The following CAMTA1 variants were observed in gnomAD, a reference collection of about 807,000 sequenced individuals.
CAMTA1 encodes calmodulin binding transcription activator 1, also known as calmodulin-binding transcription activator 1.
Under a neutral mutation model 170.9 loss-of-function variants are expected in CAMTA1, and 27 were observed. The observed-to-expected ratio is 0.16, with a 90% CI of 0.12 to 0.22. The LOEUF (loss-of-function observed/expected upper bound fraction) is 0.22, where lower values mean the gene tolerates loss of function less well. Among genes scored for constraint, CAMTA1 ranks in the 10% least tolerant of loss-of-function variants. CAMTA1 has a pLI of 1.00. For missense variants in CAMTA1, 1,619 were observed against 2,217.2 expected, an observed-to-expected ratio of 0.73 and a Z score of 5.42; for synonymous variants, 833 against 891.5, an observed-to-expected ratio of 0.93 and a Z score of 1.17.
intron 7 of CAMTA1, among the ~76,000 whole-genome samples, chr1:7,643,297 A>G (rs553702257): frequency 3.9e-5 from 6 of 152,322 alleles, no homozygotes; most frequent in Admixed American, 6.5e-5. Context: ...GGCCCCATCC[A>G]TATGGCCGGG....
chr1:7,232,279 G>GT (rs1662973945), intron 4 of CAMTA1, among the ~76,000 whole-genome samples: 1 of 152,126 alleles, frequency 6.6e-6, no homozygotes, highest in Non-Finnish European at 1.5e-5. Flanking sequence ...GTGTGGCTGT[G>GT]CTGCACACGG....
chr1:7,496,069 G>A (rs544934944), intron 6 of CAMTA1, among the ~76,000 whole-genome samples: 1 of 152,318 alleles, frequency 6.6e-6, no homozygotes, highest in East Asian at 1.9e-4. Flanking sequence ...CAGGGAGCCG[G>A]AGGGGAGCGG....
intron 3 of CAMTA1, among the ~76,000 whole-genome samples, chr1:6,910,383 A>G (rs1679441296): frequency 6.6e-6 from 1 of 152,210 alleles, no homozygotes; most frequent in African/African-American, 2.4e-5. Context: ...GCTTCTGCAT[A>G]GGCACAGAGT....
At chr1:7,450,531 G>T (rs539047270) in intron 5 of CAMTA1, among the ~76,000 whole-genome samples, 1 of 152,336 alleles carries the variant, frequency 6.6e-6, no homozygotes, top group South Asian at 2.1e-4. Context: ...CAGAAGTAGA[G>T]ACAGGTGGGA....
At chr1:7,689,062 G>C (rs2096282688) in intron 11 of CAMTA1, among the ~76,000 whole-genome samples, 2 of 152,106 alleles carry the variant, frequency 1.3e-5, no homozygotes, top group Admixed American at 6.5e-5. Context: ...AGGAGTTCAA[G>C]ACCAGCCTGG....
chr1:6,882,251 C>A (rs955393547), intron 3 of CAMTA1, among the ~76,000 whole-genome samples: 2 of 152,218 alleles, frequency 1.3e-5, no homozygotes, highest in Non-Finnish European at 2.9e-5. Flanking sequence ...CGCTTTTGAG[C>A]TGCAACAGCC....
At chr1:7,501,894 G>A (rs973598472) in intron 6 of CAMTA1, among the ~76,000 whole-genome samples, 1 of 152,182 alleles carries the variant, frequency 6.6e-6, no homozygotes, top group African/African-American at 2.4e-5. Context: ...CACATGTGCA[G>A]TGGGTTCTCC....
intron 5 of CAMTA1, among the ~76,000 whole-genome samples, chr1:7,449,427 G>C (rs1197604100): frequency 6.6e-6 from 1 of 152,160 alleles, no homozygotes; most frequent in East Asian, 1.9e-4. Context: ...CCAGGAGTCA[G>C]AGCCCTCTGA....
At chr1:7,125,335 G>A (rs1336415882) in intron 4 of CAMTA1, among the ~76,000 whole-genome samples, 1 of 152,176 alleles carries the variant, frequency 6.6e-6, no homozygotes, top group Admixed American at 6.5e-5. Context: ...TTCATCAGGT[G>A]TTGGTTGAGC....
In CAMTA1 at chr1:7,144,118, T is replaced by A. The variant is rs1646043204; in HGVS notation, c.302+52747T>A. Among the ~76,000 whole-genome samples the A allele has an allele frequency of 1.3e-5, 2 of 152,218 alleles. No individual in the cohort carries two copies. The highest frequency in any genetic ancestry group is 4.8e-5 in the African/African-American group (2 of 41,450). On this transcript the variant is annotated intron_variant, in intron 4 of 22. Transcript: ENST00000303635. The surrounding 1 kb of genome is among the most constrained non-coding windows in gnomAD (Gnocchi z 4.0). ...TAAACAACAGACATTTATTTTCTTA[T>A]GTTCTGGAGGCTGGAAGTCTGAGAT...
chr1:6,803,722 T>G (rs899071249), intron 1 of CAMTA1, among the ~76,000 whole-genome samples: 1 of 152,176 alleles, frequency 6.6e-6, no homozygotes, highest in Non-Finnish European at 1.5e-5. Flanking sequence ...TTAAATTATT[T>G]TATTTCTTTT....
intron 5 of CAMTA1, among the ~76,000 whole-genome samples, chr1:7,305,295 C>T (rs752904657): frequency 6.6e-6 from 1 of 151,950 alleles, no homozygotes; most frequent in Non-Finnish European, 1.5e-5. Context: ...AGGAAGTCCA[C>T]CTTTATTCCT....
chr1:7,661,423 C>T (rs1193332327), intron 7 of CAMTA1, among the ~76,000 whole-genome samples: 2 of 152,194 alleles, frequency 1.3e-5, no homozygotes, highest in Non-Finnish European at 2.9e-5. Context: ...CTGGAAGAGC[C>T]GCCTCGTGCA....
chr1:7,403,226 T>A (rs1192498589), intron 5 of CAMTA1, among the ~76,000 whole-genome samples: 3 of 151,880 alleles, frequency 2.0e-5, no homozygotes, highest in Non-Finnish European at 4.4e-5. Flanking sequence ...TGATGACGGG[T>A]GCCTGTAATC....
chr1:7,120,518 G>A (rs1337977247), intron 4 of CAMTA1, among the ~76,000 whole-genome samples: 1 of 152,166 alleles, frequency 6.6e-6, no homozygotes, highest in Non-Finnish European at 1.5e-5. Flanking sequence ...CAAGATGGAC[G>A]TTCCTGCTGG....
intron 3 of CAMTA1, among the ~76,000 whole-genome samples, chr1:7,061,214 C>G (rs534901339): frequency 3.9e-5 from 6 of 152,240 alleles, no homozygotes; most frequent in South Asian, 2.1e-4. Context: ...CAAGCTCCCC[C>G]CTCCACGCCA....
chr1:7,542,428 TG>T (rs1357255193), intron 6 of CAMTA1, among the ~76,000 whole-genome samples: 2 of 152,202 alleles, frequency 1.3e-5, no homozygotes, highest in Non-Finnish European at 2.9e-5. Flanking sequence ...CATATTTTTT[TG>T]TTTTTTTTGT....
In CAMTA1 at chr1:7,737,018, T is replaced by G. The variant is rs763613066; in HGVS notation, c.3342+9T>G. On this transcript the variant is annotated intron_variant, in intron 14 of 22. Transcript: ENST00000303635. ...TCTCCTGTACTCCTCTGGTAAGGAA[T>G]GGATTCCTGTAGCCCCCCCTTGCTG... 1 of 1,597,052 alleles carries G rather than the reference T, an allele frequency of 6.3e-7. No individual in the cohort carries two copies. The highest frequency in any genetic ancestry group is 8.6e-7 in the Non-Finnish European group (1 of 1,165,314).
rs577403482 is a variant in CAMTA1, at chr1:7,753,378, C to A, written c.4958+845C>A. ...ATCCGAGCTGGGTGTAGACCACCTTCTGTGTGGTTGGGTTGTTGCTCTGTG... is the reference window on the plus strand; with the variant it reads ...ATCCGAGCTGGGTGTAGACCACCTTATGTGTGGTTGGGTTGTTGCTCTGTG... On this transcript the variant is annotated intron_variant, in intron 21 of 22. Transcript: ENST00000303635. 6.6e-5 allele frequency among the ~76,000 whole-genome samples: 10 copies of A among 152,326 alleles called. No homozygotes were observed. The East Asian group carries it at 1.9e-3, about 29-fold the overall frequency.
Sources: gnomAD v4.1 joint callset for allele counts (sites outside exome capture counted in the v4.1 genomes callset) on GRCh38, gnomAD v4.1.1 for gene constraint, Gnocchi (gnomAD v3.1) non-coding constraint, MANE v1.5 for transcripts, NCBI Gene and HGNC (gene_info 2026-07-23, HGNC 2026-07-21) for gene names.